Variants in SMAD2 observed in about 807,000 individuals in gnomAD.
SMAD2 encodes the protein SMAD family member 2.
Under a neutral mutation model 64.4 loss-of-function variants are expected in SMAD2, and 8 were observed. That is an observed-to-expected ratio of 0.12 (90% CI 0.07 to 0.22). The LOEUF is 0.22. Ranked by LOEUF, SMAD2 falls within the 10% of genes least tolerant of loss-of-function variation. The probability of loss-of-function intolerance (pLI) is 1.00; values close to 1 mark genes in which losing one functional copy is unlikely to be tolerated. For synonymous variants in SMAD2, 203 were observed against 195.8 expected, an observed-to-expected ratio of 1.04 and a Z score of -0.31; for missense variants, 289 against 561.2, an observed-to-expected ratio of 0.51 and a Z score of 4.90.
intron 1 of SMAD2, among the ~76,000 whole-genome samples, chr18:47,899,138 TAAGA>T (rs1263264876): frequency 1.3e-5 from 2 of 152,092 alleles, no homozygotes; most frequent in African/African-American, 2.4e-5. Flanking sequence ...CAGAGTTGAT[TAAGA>T]AAAAGTTACA....
rs981237571 is a variant in SMAD2 at position 47,809,009 on chromosome 18, T to C, written c.*32818A>G. The C allele has an allele frequency of 7.9e-5, 12 of 152,216 alleles. No homozygotes were observed. Among genetic ancestry groups the C allele is most frequent in the Admixed American group, 4.6e-4 (7 of 15,284 alleles). 9.4% of individuals were successfully genotyped at this position (152,216 alleles called of 1,614,324 possible). ...CAACACCAAACAGCACCTCAGGTGG[T>C]AGTCAACTAAGTAATTCCTGGCTGT... On this transcript the variant is annotated 3_prime_UTR_variant, in exon 11 of 11. Transcript: ENST00000262160.
chr18:47,893,256 T>G (rs1422895545), intron 2 of SMAD2, among the ~76,000 whole-genome samples: 1 of 152,168 alleles, frequency 6.6e-6, no homozygotes, highest in Non-Finnish European at 1.5e-5. Context: ...GCTTTTAAAC[T>G]GCCAGAGGCA....
At chr18:47,919,451 T>G (rs1196366475) in intron 1 of SMAD2, among the ~76,000 whole-genome samples, 1 of 138,560 alleles carries the variant, frequency 7.2e-6, no homozygotes, top group African/African-American at 2.8e-5. Context: ...GAGTGTGACC[T>G]TGTCTCAAAA....
In SMAD2 at chr18:47,823,789, G is replaced by C. The variant is rs969983018; in HGVS notation, c.*18038C>G. On this transcript the variant is annotated 3_prime_UTR_variant, in exon 11 of 11. Transcript: ENST00000262160. ...AGGGCTCAAAACCATTATGCAAACT[G>C]GGATTGTCACATTACTATTAATTTT... The C allele has an allele frequency of 3.3e-5, 5 of 152,176 alleles. No homozygotes were observed. The highest frequency in any genetic ancestry group is 3.3e-4 in the Admixed American group (5 of 15,280). 9.4% of individuals were successfully genotyped at this position (152,176 alleles called of 1,614,324 possible). A position where few individuals can be genotyped will look rare whatever the true frequency, so the allele number is the denominator to read the frequency against.
In SMAD2 at chr18:47,817,274, G is replaced by A. The variant is rs1275823911; in HGVS notation, c.*24553C>T. On this transcript the variant is annotated 3_prime_UTR_variant, in exon 11 of 11. Transcript: ENST00000262160. ...TAGCTTGTCTGTTCTGCCCCAGTGAGTCTTTTCTCAGGCAGAGCCTCCCAC... is the reference window on the plus strand; with the variant it reads ...TAGCTTGTCTGTTCTGCCCCAGTGAATCTTTTCTCAGGCAGAGCCTCCCAC... The A allele has an allele frequency of 6.6e-6, 1 of 152,214 alleles. No individual in the cohort carries two copies. The highest frequency in any genetic ancestry group is 3.2e-3 in the Middle Eastern group (1 of 316). 9.4% of individuals were successfully genotyped at this position (152,214 alleles called of 1,614,324 possible).
chr18:47,867,746 A>G (rs2031669175), intron 5 of SMAD2, among the ~76,000 whole-genome samples: 1 of 151,988 alleles, frequency 6.6e-6, no homozygotes, highest in Non-Finnish European at 1.5e-5. Context: ...TCAGAACAAA[A>G]TTTGAGAACC....
chr18:47,849,982 G>C (rs1914940634), intron 7 of SMAD2, among the ~76,000 whole-genome samples: 1 of 151,246 alleles, frequency 6.6e-6, no homozygotes, highest in African/African-American at 2.4e-5. Context: ...ACTCTAGCCT[G>C]GGCGACAGAG....
intron 7 of SMAD2, among the ~76,000 whole-genome samples, chr18:47,850,969 A>G (rs1475433680): frequency 7.0e-6 from 1 of 142,694 alleles, no homozygotes; most frequent in Non-Finnish European, 1.5e-5. Context: ...ATTACATCAT[A>G]AAATAAACAT....
chr18:47,879,688 C>T (rs542400993), intron 2 of SMAD2, among the ~76,000 whole-genome samples: 3 of 151,952 alleles, frequency 2.0e-5, no homozygotes, highest in South Asian at 2.1e-4. Context: ...CTTTTTTTCT[C>T]GGGTAAACAC....
intron 2 of SMAD2, among the ~76,000 whole-genome samples, chr18:47,881,895 C>T (rs1382897806): frequency 6.6e-6 from 1 of 151,788 alleles, no homozygotes; most frequent in Admixed American, 6.6e-5. Flanking sequence ...GTTTGTTTTG[C>T]CCGACAGGGT....
In SMAD2 at chr18:47,822,466, A is replaced by G. The variant is rs998004560; in HGVS notation, c.*19361T>C. The G allele has an allele frequency of 1.3e-5, 2 of 152,248 alleles. No individual in the cohort carries two copies. The highest frequency in any genetic ancestry group is 2.1e-4 in the South Asian group (1 of 4,838). The allele number at this position is 152,248 out of a possible 1,614,324, so 9.4% of individuals were successfully genotyped here. A position where few individuals can be genotyped will look rare whatever the true frequency, so the allele number is the denominator to read the frequency against. ...AATTAAGATCAACCACAACAAAAAAAGTTACATGAGACTAAGTAACTGAAG... is the reference window on the plus strand; with the variant it reads ...AATTAAGATCAACCACAACAAAAAAGGTTACATGAGACTAAGTAACTGAAG... On this transcript the variant is annotated 3_prime_UTR_variant, in exon 11 of 11. Coordinates refer to ENST00000262160, the MANE Select transcript of SMAD2 (RefSeq NM_005901.6).
intron 2 of SMAD2, among the ~76,000 whole-genome samples, chr18:47,872,761 G>A (rs1244024939): frequency 1.3e-5 from 2 of 152,162 alleles, no homozygotes; most frequent in East Asian, 3.9e-4. Flanking sequence ...GATGACTGAG[G>A]TGGAACGTCT....
In SMAD2 at chr18:47,809,005, G is replaced by T. The variant is rs971319940; in HGVS notation, c.*32822C>A. ...TTACCAACACCAAACAGCACCTCAG[G>T]TGGTAGTCAACTAAGTAATTCCTGG... On this transcript the variant is annotated 3_prime_UTR_variant, in exon 11 of 11. Transcript: ENST00000262160. The T allele has an allele frequency of 6.6e-6, 1 of 152,190 alleles. No individual in the cohort carries two copies. The highest frequency in any genetic ancestry group is 1.5e-5 in the Non-Finnish European group (1 of 68,040). The allele number at this position is 152,190 out of a possible 1,614,324, so 9.4% of individuals were successfully genotyped here. A position where few individuals can be genotyped will look rare whatever the true frequency, so the allele number is the denominator to read the frequency against.
intron 2 of SMAD2, among the ~76,000 whole-genome samples, chr18:47,871,790 G>T (rs1362518089): frequency 2.6e-5 from 4 of 152,010 alleles, no homozygotes; most frequent in African/African-American, 9.7e-5. Context: ...GACATTAATG[G>T]TTTATTTAAA....
rs1914687217 is a variant in SMAD2 at position 47,847,935 on chromosome 18, G to A, written c.997+540C>T. 1.3e-5 allele frequency among the ~76,000 whole-genome samples: 2 copies of A among 152,024 alleles called. 1 individual carries two copies. The highest frequency in any genetic ancestry group is 1.3e-4 in the Admixed American group (2 of 15,260). ...TCACAAACTAGCTGAAAGGGTTTCT[G>A]GGACTACCAGAAGTCCCCAGACCAC... On this transcript the variant is annotated intron_variant, in intron 8 of 10. Coordinates refer to ENST00000262160, the MANE Select transcript of SMAD2 (RefSeq NM_005901.6).
intron 6 of SMAD2, among the ~76,000 whole-genome samples, chr18:47,860,635 A>G (rs1163572976): frequency 6.6e-6 from 1 of 152,130 alleles, no homozygotes; most frequent in Non-Finnish European, 1.5e-5. Context: ...ACTCTTCGAG[A>G]AAACAGGAGA....
At chr18:47,917,043 C>T (rs940129327) in intron 1 of SMAD2, among the ~76,000 whole-genome samples, 1 of 152,178 alleles carries the variant, frequency 6.6e-6, no homozygotes, top group African/African-American at 2.4e-5. Flanking sequence ...GTTGTTGAGA[C>T]GGAGTCTCGC....
chr18:47,865,516 C>T (rs914662389), intron 5 of SMAD2, among the ~76,000 whole-genome samples: 6 of 151,964 alleles, frequency 3.9e-5, no homozygotes, highest in Non-Finnish European at 8.8e-5. Context: ...TAATGAACAT[C>T]GTTATTTTAT....
At chr18:47,865,753 T>C (rs113660547) in intron 5 of SMAD2, among the ~76,000 whole-genome samples, 3,565 of 152,278 alleles carry the variant, frequency 0.023, 52 homozygotes, top group Non-Finnish European at 0.038. Context: ...GACTACTGTA[T>C]AAAGAGGTAA....
Sources: gnomAD v4.1 joint callset for allele counts (sites outside exome capture counted in the v4.1 genomes callset) on GRCh38, gnomAD v4.1.1 for gene constraint, MANE v1.5 for transcripts, NCBI Gene and HGNC (gene_info 2026-07-23, HGNC 2026-07-21) for gene names.